The following SNTG1 variants were observed in gnomAD, a reference collection of about 807,000 sequenced individuals.
SNTG1 encodes the protein syntrophin gamma 1.
In SNTG1, 39 loss-of-function variants were observed where a neutral mutation model predicts 74.7. That is an observed-to-expected ratio of 0.52 (90% confidence interval 0.40 to 0.68). SNTG1 has a LOEUF of 0.68. Among genes scored for constraint, SNTG1 ranks in the 30% least tolerant of loss-of-function variants. SNTG1 has a pLI of 0.00. For synonymous variants in SNTG1, 254 were observed against 217.1 expected (o/e 1.17, Z -1.49); for missense variants, 685 against 609.5 (o/e 1.12, Z -1.30).
intron 1 of SNTG1, among the ~76,000 whole-genome samples, chr8:50,098,624 G>C (rs2080015538): frequency 6.6e-6 from 1 of 152,056 alleles, no homozygotes; most frequent in Non-Finnish European, 1.5e-5. Flanking sequence ...AGGGATCACT[G>C]TAATGATTCT....
chr8:50,290,996 G>A (rs570065461), intron 2 of SNTG1, among the ~76,000 whole-genome samples: 2 of 152,210 alleles, frequency 1.3e-5, no homozygotes, highest in East Asian at 1.9e-4. Flanking sequence ...GAACTCAAGC[G>A]ATGCCTATCT....
rs1484985075 is a variant in SNTG1, at chr8:50,491,820, T to C, written c.364-10958T>C. Among the ~76,000 whole-genome samples, 6 of 152,244 alleles carry C rather than the reference T, an allele frequency of 3.9e-5. No homozygotes were observed. The South Asian group carries it at 1.0e-3, about 26-fold the overall frequency. On this transcript the variant is annotated intron_variant, in intron 8 of 18. Transcript: ENST00000642720. ...GTGTACTTGTGCCATGGTGGTTTGCTGCACCCATCAACCCATCATCTACAT... is the reference window on the plus strand; with the variant it reads ...GTGTACTTGTGCCATGGTGGTTTGCCGCACCCATCAACCCATCATCTACAT...
At chr8:50,774,547 A>G (rs1355705338) in intron 18 of SNTG1, among the ~76,000 whole-genome samples, 4 of 151,720 alleles carry the variant, frequency 2.6e-5, no homozygotes, top group African/African-American at 9.7e-5. Context: ...ATTATTACAT[A>G]TAAAAAAAAG....
At chr8:50,548,469 C>A (rs1585647361) in intron 11 of SNTG1, among the ~76,000 whole-genome samples, 1 of 152,252 alleles carries the variant, frequency 6.6e-6, no homozygotes. Flanking sequence ...AACATCAGAT[C>A]TCAAGTTAGC....
At chr8:50,789,220 G>T (rs187712341) in intron 18 of SNTG1, among the ~76,000 whole-genome samples, 259 of 151,980 alleles carry the variant, frequency 1.7e-3, no homozygotes, top group Middle Eastern at 3.4e-3. Flanking sequence ...GGATTAAAAT[G>T]GCCTCTGTGT....
chr8:50,630,990 G>A (rs769349071), intron 13 of SNTG1, among the ~76,000 whole-genome samples: 8 of 152,148 alleles, frequency 5.3e-5, no homozygotes, highest in Admixed American at 5.2e-4. Flanking sequence ...ACATATCCAG[G>A]GAGAAAGCTT....
intron 1 of SNTG1, among the ~76,000 whole-genome samples, chr8:49,929,078 T>C (rs923029189): frequency 6.6e-6 from 1 of 152,096 alleles, no homozygotes; most frequent in Non-Finnish European, 1.5e-5. Context: ...GAACAAATTA[T>C]GGTAGGACAT....
chr8:49,915,099 G>T (rs1216104811), intron 1 of SNTG1: 1 of 152,096 alleles, frequency 6.6e-6, no homozygotes, highest in Non-Finnish European at 1.5e-5. Context: ...TTTTTTAACT[G>T]CTGGCCATAA....
intron 1 of SNTG1, among the ~76,000 whole-genome samples, chr8:50,164,891 A>G (rs562202919): frequency 8.5e-5 from 13 of 152,248 alleles, no homozygotes; most frequent in African/African-American, 2.9e-4. Context: ...TCTGAATATT[A>G]CTCTAACATT....
chr8:49,974,553 T>A (rs1812011946), intron 1 of SNTG1, among the ~76,000 whole-genome samples: 2 of 152,172 alleles, frequency 1.3e-5, no homozygotes, highest in South Asian at 4.1e-4. Flanking sequence ...TCTTTTGGTG[T>A]CATAAGAGAG....
At chr8:50,276,330 C>T (rs1297076747) in intron 2 of SNTG1, among the ~76,000 whole-genome samples, 1 of 150,416 alleles carries the variant, frequency 6.6e-6, no homozygotes, top group Admixed American at 6.6e-5. Flanking sequence ...TCGTCATCAG[C>T]ATTCAACTTA....
intron 1 of SNTG1, among the ~76,000 whole-genome samples, chr8:49,992,515 G>A (rs1055423392): frequency 2.0e-5 from 3 of 152,170 alleles, no homozygotes; most frequent in Non-Finnish European, 4.4e-5. Flanking sequence ...ACACTTCATA[G>A]TTAACTAAAC....
chr8:50,477,601 A>C (rs2093706981), intron 8 of SNTG1, among the ~76,000 whole-genome samples: 1 of 152,156 alleles, frequency 6.6e-6, no homozygotes, highest in African/African-American at 2.4e-5. Context: ...GAATAAAGAC[A>C]TTAGGGGAAA....
chr8:50,767,019 G>A (rs1450151973), intron 18 of SNTG1, among the ~76,000 whole-genome samples: 1 of 151,940 alleles, frequency 6.6e-6, no homozygotes, highest in Non-Finnish European at 1.5e-5. Context: ...GTCTGAAAAT[G>A]TGGTTAAATG....
At chr8:50,023,688 C>T (rs1181592928) in intron 1 of SNTG1, among the ~76,000 whole-genome samples, 1 of 152,088 alleles carries the variant, frequency 6.6e-6, no homozygotes, top group Non-Finnish European at 1.5e-5. Context: ...CAACAACCAC[C>T]ACATCTTTCA....
At chr8:49,975,443 C>T (rs1393268819) in intron 1 of SNTG1, among the ~76,000 whole-genome samples, 1 of 152,264 alleles carries the variant, frequency 6.6e-6, no homozygotes, top group South Asian at 2.1e-4. Flanking sequence ...CGATTAATCG[C>T]CACAACATGC....
At chr8:50,033,660 C>A (rs1486839771) in intron 1 of SNTG1, among the ~76,000 whole-genome samples, 1 of 151,848 alleles carries the variant, frequency 6.6e-6, no homozygotes. Context: ...GATTTTTTTT[C>A]TCTGTGAATG....
At chr8:49,924,421 T>C (rs1281708438) in intron 1 of SNTG1, among the ~76,000 whole-genome samples, 3 of 152,180 alleles carry the variant, frequency 2.0e-5, no homozygotes, top group Non-Finnish European at 4.4e-5. Context: ...TTCCTGTTTG[T>C]ACAAGTATTA....
intron 1 of SNTG1, among the ~76,000 whole-genome samples, chr8:50,118,220 T>G (rs974253593): frequency 6.6e-6 from 1 of 152,122 alleles, no homozygotes; most frequent in Non-Finnish European, 1.5e-5. Flanking sequence ...TCAACAGGCT[T>G]CAACCCAAAG....
Sources: allele counts gnomAD v4.1 joint callset (sites outside exome capture counted in the v4.1 genomes callset), GRCh38; gene constraint gnomAD v4.1.1; transcripts MANE v1.5; gene names NCBI Gene and HGNC (gene_info 2026-07-23, HGNC 2026-07-21).